FRYL: variants seen among roughly 807,000 people sequenced by gnomAD.
FRYL encodes the protein FRY like transcription coactivator.
FRYL carries 150 observed loss-of-function variants against 351.2 expected under a neutral mutation model. The observed-to-expected ratio is 0.43, with a 90% CI of 0.37 to 0.49. The LOEUF (loss-of-function observed/expected upper bound fraction) is 0.49, where lower values mean the gene tolerates loss of function less well. Among genes scored for constraint, FRYL ranks in the 20% least tolerant of loss-of-function variants. The probability of loss-of-function intolerance (pLI) is 0.00; values close to 1 mark genes in which losing one functional copy is unlikely to be tolerated. For synonymous variants in FRYL, 1,153 were observed against 1,257.1 expected (o/e 0.92, Z 1.75); for missense variants, 3,036 against 3,619.3 (o/e 0.84, Z 4.13).
At chr4:48,615,842 A>C (rs1434535463) in intron 7 of FRYL, among the ~76,000 whole-genome samples, 1 of 152,162 alleles carries the variant, frequency 6.6e-6, no homozygotes, top group Non-Finnish European at 1.5e-5. Context: ...AAACTGGAGA[A>C]AGAAAATGTG....
At chr4:48,586,122 G>T (rs984074967) in intron 19 of FRYL, among the ~76,000 whole-genome samples, 2 of 152,166 alleles carry the variant, frequency 1.3e-5, no homozygotes, top group Non-Finnish European at 2.9e-5. Context: ...TGGTTGTCAG[G>T]TTATTTACTC....
intron 3 of FRYL, among the ~76,000 whole-genome samples, chr4:48,662,708 T>C (rs1199693803): frequency 6.9e-6 from 1 of 145,092 alleles, no homozygotes; most frequent in African/African-American, 2.6e-5. Context: ...GGCAGATCAA[T>C]TGAGCCCAGG....
chr4:48,575,910 C>T, intron 24 of FRYL, 120 bp downstream of exon 24: 1 of 789,268 alleles, frequency 1.3e-6, no homozygotes, highest in Non-Finnish European at 1.9e-6. Context: ...TTCCTTTTTG[C>T]AAGTAAGTAA....
At position 48,535,662 on chromosome 4, in the gene FRYL, C is replaced by T. The variant is rs377350156; in HGVS notation, c.6559G>A (p.Ala2187Thr). Residue 2187 changes from alanine to threonine, a missense_variant, in exon 48 of 64, where the codon GCA becomes ACA. Coordinates refer to ENST00000358350, the MANE Select transcript of FRYL (RefSeq NM_015030.2). The stretch of plus-strand genomic sequence containing the variant: ...AATATTTTTGGTAAATTTACCTCTG[C>T]AAGATAAGTCACAAGATTAAATGTT... ...DTTFNLVTYL[A>T]ELLEKGLSSM... 30 of 1,571,492 alleles carry T rather than the reference C, an allele frequency of 1.9e-5. No homozygotes were observed. In the African/African-American group the frequency reaches 4.1e-4, roughly 21 times the overall value.
At chr4:48,763,659 TATG>T (rs573401099) in intron 1 of FRYL, among the ~76,000 whole-genome samples, 8 of 152,158 alleles carry the variant, frequency 5.3e-5, no homozygotes, top group Non-Finnish European at 1.2e-4. Context: ...TAAGGCCATG[TATG>T]ATAAGCTCAC....
intron 8 of FRYL, among the ~76,000 whole-genome samples, chr4:48,609,479 G>C (rs1202082317): frequency 6.6e-6 from 1 of 152,112 alleles, no homozygotes; most frequent in Non-Finnish European, 1.5e-5. Context: ...AAAATTAGCT[G>C]AGTGTGGTGG....
intron 3 of FRYL, among the ~76,000 whole-genome samples, chr4:48,641,213 GTGT>G (rs1217770237): frequency 6.6e-6 from 1 of 152,100 alleles, no homozygotes; most frequent in Non-Finnish European, 1.5e-5. Context: ...TATGCTGTGT[GTGT>G]TGAGAGGTAT....
intron 30 of FRYL, 96 bp from the exon 31 acceptor site, chr4:48,564,198 C>T: frequency 8.2e-7 from 1 of 1,224,022 alleles, no homozygotes; most frequent in Non-Finnish European, 1.1e-6. Context: ...TGCATATATT[C>T]ATTGTAATTA....
At chr4:48,538,222 T>C (rs1414018543) in intron 47 of FRYL, among the ~76,000 whole-genome samples, 1 of 152,192 alleles carries the variant, frequency 6.6e-6, no homozygotes, top group Non-Finnish European at 1.5e-5. Context: ...AAAAGACTTA[T>C]TTTTGGCTTA....
chr4:48,757,967 C>G lies in FRYL; in HGVS notation c.-384+22111G>C, dbSNP rs1354936698. On this transcript the variant is annotated intron_variant, in intron 1 of 63. Transcript: ENST00000358350. Reference sequence around the variant, plus strand: ...ACCATCTGATCTTTGACAAACCTGACAAAAACAAGAAATGGAGAAAGGATT... The same window carrying G: ...ACCATCTGATCTTTGACAAACCTGAGAAAAACAAGAAATGGAGAAAGGATT... Among the ~76,000 whole-genome samples the G allele has an allele frequency of 3.3e-5, 5 of 152,202 alleles. No individual in the cohort carries two copies. The South Asian group carries it at 6.2e-4, about 19-fold the overall frequency.
intron 3 of FRYL, among the ~76,000 whole-genome samples, chr4:48,660,258 A>G (rs1017785952): frequency 2.6e-5 from 4 of 152,164 alleles, no homozygotes; most frequent in Admixed American, 1.3e-4. Context: ...AGAAGTAAAT[A>G]AACAGGGGAG....
chr4:48,501,908 TAAAAAC>T (rs1199080149), intron 61 of FRYL, among the ~76,000 whole-genome samples, 175 bp from the exon 62 acceptor site: 2 of 152,180 alleles, frequency 1.3e-5, no homozygotes, highest in East Asian at 1.9e-4. Context: ...AAGATTAAAA[TAAAAAC>T]AAATATCACT....
chr4:48,641,157 G>C (rs1755236257), intron 3 of FRYL, among the ~76,000 whole-genome samples: 1 of 152,084 alleles, frequency 6.6e-6, no homozygotes, highest in Admixed American at 6.6e-5. Context: ...CTCTACATTT[G>C]AAAGCAACTA....
intron 1 of FRYL, among the ~76,000 whole-genome samples, chr4:48,777,215 A>G (rs762451289): frequency 6.6e-6 from 1 of 152,228 alleles, no homozygotes; most frequent in Non-Finnish European, 1.5e-5. Context: ...AATTGTGACA[A>G]TGTGTTCACC....
chr4:48,559,122 G>A (rs1031852667), intron 33 of FRYL, among the ~76,000 whole-genome samples: 10 of 152,134 alleles, frequency 6.6e-5, no homozygotes, highest in Non-Finnish European at 1.5e-4. Flanking sequence ...GCCTCATGAA[G>A]TTATTGTGCA....
chr4:48,561,397 T>C (rs1735472772), intron 33 of FRYL, 71 bp downstream of exon 33: 1 of 1,028,666 alleles, frequency 9.7e-7, no homozygotes, highest in Non-Finnish European at 1.4e-6. Context: ...AATAAATTTA[T>C]AATTTTCTAA....
At chr4:48,565,820 A>C in intron 28 of FRYL, 129 bp from the exon 29 acceptor site, 1 of 869,614 alleles carries the variant, frequency 1.1e-6, no homozygotes, top group Non-Finnish European at 1.8e-6. Flanking sequence ...ACTATCAAAA[A>C]CCTCCGCGGT....
chr4:48,611,232 T>C (rs1226081266), intron 7 of FRYL, among the ~76,000 whole-genome samples: 4 of 152,134 alleles, frequency 2.6e-5, no homozygotes, highest in Non-Finnish European at 5.9e-5. Flanking sequence ...AGATTACTTA[T>C]AGTATGTAAC....
At chr4:48,518,331 G>C (rs551945430) in intron 55 of FRYL, among the ~76,000 whole-genome samples, 1 of 152,126 alleles carries the variant, frequency 6.6e-6, no homozygotes, top group East Asian at 1.9e-4. Flanking sequence ...CCTTAGTCAG[G>C]CCCTGCTAAA....
Sources: allele counts gnomAD v4.1 joint callset (sites outside exome capture counted in the v4.1 genomes callset), GRCh38; gene constraint gnomAD v4.1.1; transcripts MANE v1.5; gene names NCBI Gene and HGNC (gene_info 2026-07-23, HGNC 2026-07-21).